TFCP2L1: variants seen among roughly 807,000 people sequenced by gnomAD.
The protein encoded by TFCP2L1 is transcription factor CP2 like 1, also known as transcription factor CP2-like protein 1.
A neutral mutation model predicts 72.2 loss-of-function variants in TFCP2L1; 12 were observed. The observed-to-expected ratio is 0.17, with a 90% CI of 0.11 to 0.27. The LOEUF is 0.27. Ranked by LOEUF, TFCP2L1 falls within the 10% of genes least tolerant of loss-of-function variation. The pLI is 1.00. For missense variants in TFCP2L1, 488 were observed against 624.6 expected (o/e 0.78, Z 2.33); for synonymous variants, 260 against 251.0 (o/e 1.04, Z -0.34).
At position 121,222,900 on chromosome 2, in the gene TFCP2L1, C is replaced by G. The variant is rs1274520907; in HGVS notation, c.*1441G>C. On this transcript the variant is annotated 3_prime_UTR_variant, in exon 15 of 15. Coordinates refer to ENST00000263707, the MANE Select transcript of TFCP2L1 (RefSeq NM_014553.3). ...CTGTAGGAATGCCACGGCTATTACCCAACATAATGACTAACAGAGCCCCTT... is the reference window on the plus strand; with the variant it reads ...CTGTAGGAATGCCACGGCTATTACCGAACATAATGACTAACAGAGCCCCTT... 1 of 152,162 alleles carries G rather than the reference C, an allele frequency of 6.6e-6. No homozygotes were observed. Among genetic ancestry groups the G allele is most frequent in the Non-Finnish European group, 1.5e-5 (1 of 68,028 alleles). 9.4% of individuals were successfully genotyped at this position (152,162 alleles called of 1,614,324 possible). A position where few individuals can be genotyped will look rare whatever the true frequency, so the allele number is the denominator to read the frequency against.
At chr2:121,269,975 A>G (rs1264015800) in intron 2 of TFCP2L1, among the ~76,000 whole-genome samples, 1 of 151,150 alleles carries the variant, frequency 6.6e-6, no homozygotes, top group East Asian at 1.9e-4. Flanking sequence ...AATGAAATGA[A>G]TGAAAAAGTG....
chr2:121,279,660 T>C (rs1198069547), intron 2 of TFCP2L1, among the ~76,000 whole-genome samples: 1 of 152,220 alleles, frequency 6.6e-6, no homozygotes, highest in Non-Finnish European at 1.5e-5. Context: ...CAAGTTGGAC[T>C]TCCACCCTGG....
At chr2:121,258,423 A>G (rs1235118158) in intron 2 of TFCP2L1, among the ~76,000 whole-genome samples, 1 of 152,200 alleles carries the variant, frequency 6.6e-6, no homozygotes, top group Non-Finnish European at 1.5e-5. Flanking sequence ...TACAGCCCCA[A>G]ACTGGAAATG....
intron 2 of TFCP2L1, among the ~76,000 whole-genome samples, chr2:121,273,290 T>C (rs1255763928): frequency 6.6e-6 from 1 of 152,148 alleles, no homozygotes; most frequent in African/African-American, 2.4e-5. Flanking sequence ...TTCTCTGCTC[T>C]CCCGGACTCC....
intron 6 of TFCP2L1, among the ~76,000 whole-genome samples, chr2:121,244,587 T>C (rs1403303538): frequency 6.6e-6 from 1 of 152,000 alleles, no homozygotes; most frequent in Non-Finnish European, 1.5e-5. Flanking sequence ...CTGGCATGGG[T>C]TGAGGAGCCT....
chr2:121,244,238 T>A (rs1343545267), intron 6 of TFCP2L1, among the ~76,000 whole-genome samples: 1 of 152,192 alleles, frequency 6.6e-6, no homozygotes, highest in Non-Finnish European at 1.5e-5. Context: ...AGGGAGCTGG[T>A]TGCTCAGACA....
intron 2 of TFCP2L1, among the ~76,000 whole-genome samples, chr2:121,263,702 A>G (rs933166773): frequency 1.3e-5 from 2 of 152,192 alleles, no homozygotes; most frequent in East Asian, 3.8e-4. Context: ...TGATTTGACA[A>G]GGCCTACAGA....
rs187489027 is a variant in TFCP2L1 at position 121,232,514 on chromosome 2, C to T, written c.1199-546G>A. ...ATGCAGAGATCCCTAGACCCATCCC[C>T]AGCCCAGTGACACCCAGATGGGCTG... is the stretch of plus-strand genomic sequence containing the variant. On this transcript the variant is annotated intron_variant, in intron 12 of 14. Coordinates refer to ENST00000263707, the MANE Select transcript of TFCP2L1 (RefSeq NM_014553.3). Among the ~76,000 whole-genome samples, 9 of 152,254 alleles carry T rather than the reference C, an allele frequency of 5.9e-5. No individual in the cohort carries two copies. In the East Asian group the frequency reaches 1.5e-3, roughly 26 times the overall value.
intron 5 of TFCP2L1, 69 bp downstream of exon 5, chr2:121,248,095 T>G (rs1404341718): frequency 1.4e-6 from 2 of 1,411,306 alleles, no homozygotes; most frequent in Non-Finnish European, 2.0e-6. Flanking sequence ...GGGTTAGTTT[T>G]GAGAAACTGC....
rs1573351231 is a variant in TFCP2L1, at chr2:121,223,342, T to C, written c.*999A>G. The C allele has an allele frequency of 6.6e-6, 1 of 152,104 alleles. No homozygotes were observed. 9.4% of individuals were successfully genotyped at this position (152,104 alleles called of 1,614,324 possible). On this transcript the variant is annotated 3_prime_UTR_variant, in exon 15 of 15. Coordinates refer to ENST00000263707, the MANE Select transcript of TFCP2L1 (RefSeq NM_014553.3). ...TGATGCAGGCAAAATATCCTAAACA[T>C]AGCCTCTACAAACAAAGATAAACAT...
At chr2:121,236,658 C>T (rs1170039858) in intron 10 of TFCP2L1, among the ~76,000 whole-genome samples, 1 of 152,136 alleles carries the variant, frequency 6.6e-6, no homozygotes, top group African/African-American at 2.4e-5. Flanking sequence ...ACTGTTCTTC[C>T]AGGGCCCCCA....
intron 10 of TFCP2L1, among the ~76,000 whole-genome samples, chr2:121,236,370 G>T (rs2104677046): frequency 6.6e-6 from 1 of 152,262 alleles, no homozygotes; most frequent in Non-Finnish European, 1.5e-5. Flanking sequence ...AGCATGTGAG[G>T]ACGGGCCCAC....
At chr2:121,271,817 T>C (rs764356193) in intron 2 of TFCP2L1, among the ~76,000 whole-genome samples, 3 of 152,222 alleles carry the variant, frequency 2.0e-5, no homozygotes, top group African/African-American at 7.2e-5. Flanking sequence ...TGTTTGGTTC[T>C]AGGAGCAGGG....
intron 13 of TFCP2L1, among the ~76,000 whole-genome samples, chr2:121,228,230 C>A (rs1465229135): frequency 6.6e-6 from 1 of 152,224 alleles, no homozygotes; most frequent in Non-Finnish European, 1.5e-5. Flanking sequence ...ACAGGACAAG[C>A]TGAGGAAGGA....
chr2:121,238,878 A>G (rs1686304538), intron 8 of TFCP2L1, among the ~76,000 whole-genome samples: 1 of 152,022 alleles, frequency 6.6e-6, no homozygotes, highest in South Asian at 2.1e-4. Flanking sequence ...CTTATTAGAA[A>G]AGTTCTGTCT....
chr2:121,237,740 T>C (rs1686281279), intron 9 of TFCP2L1, 24 bp from the exon 10 acceptor site: 1 of 1,612,020 alleles, frequency 6.2e-7, no homozygotes, highest in Non-Finnish European at 8.5e-7. Flanking sequence ...GGAGAGGCCT[T>C]GAGATGGTGG....
In TFCP2L1 at chr2:121,237,776, C is replaced by A. The variant is rs777041752; in HGVS notation, c.909+26G>T. ...CTCAGGGCCCACGAGGGACCACCAGCCAGAAAGCCCTGCTCAGACACTTAC... is the reference window on the plus strand; with the variant it reads ...CTCAGGGCCCACGAGGGACCACCAGACAGAAAGCCCTGCTCAGACACTTAC... On this transcript the variant is annotated intron_variant, in intron 9 of 14. Transcript: ENST00000263707. 19 of 1,614,016 alleles carry A rather than the reference C, an allele frequency of 1.2e-5. No homozygotes were observed. In the Admixed American group the frequency reaches 2.5e-4, roughly 21 times the overall value.
chr2:121,281,191 T>C lies in TFCP2L1; in HGVS notation c.143A>G (p.Gln48Arg). The C allele has an allele frequency of 6.2e-7, 1 of 1,612,700 alleles. No homozygotes were observed. The stretch of plus-strand genomic sequence containing the variant: ...GGACGTGGCAGCACACAACACATAT[T>C]GCAGGGGTGGCAGGCGGGCCTCGTT... ...PENEARLPPL[Q>R]YVLCAATSPA... Residue 48 changes from glutamine (Q) to arginine (R), a missense_variant, in exon 2 of 15, where the codon CAA (glutamine) becomes CGA (arginine). Coordinates refer to ENST00000263707, the MANE Select transcript of TFCP2L1 (RefSeq NM_014553.3).
intron 2 of TFCP2L1, among the ~76,000 whole-genome samples, chr2:121,263,684 T>C (rs1013636101): frequency 6.6e-6 from 1 of 152,156 alleles, no homozygotes; most frequent in Non-Finnish European, 1.5e-5. Flanking sequence ...TACTATCTCT[T>C]TGGAAGGTGA....
Sources: allele counts gnomAD v4.1 joint callset (sites outside exome capture counted in the v4.1 genomes callset), GRCh38; gene constraint gnomAD v4.1.1; transcripts MANE v1.5; gene names NCBI Gene and HGNC (gene_info 2026-07-23, HGNC 2026-07-21).